The following KIF26A variants were observed in gnomAD, a reference collection of about 807,000 sequenced individuals.
KIF26A encodes the protein kinesin-like protein KIF26A.
Under a neutral mutation model 126.0 loss-of-function variants are expected in KIF26A, and 74 were observed. The ratio of observed to expected loss-of-function variants is 0.59; its 90% confidence interval spans 0.49 to 0.71. KIF26A has a LOEUF of 0.71. Ranked by LOEUF, KIF26A falls within the 30% of genes least tolerant of loss-of-function variation. The pLI is 0.00. For missense variants in KIF26A, 2,984 were observed against 2,763.3 expected, an observed-to-expected ratio of 1.08 and a Z score of -1.79; for synonymous variants, 1,445 against 1,232.7, an observed-to-expected ratio of 1.17 and a Z score of -3.61.
rs751047912 is a variant in KIF26A, at chr14:104,173,825, G to C, written c.1987G>C (p.Val663Leu). ...TCTGTCCCTGTCGGCCCTGGGCAGC[G>C]TCATCTTGGCCCTGGTCAACGGAGC... is the stretch of plus-strand genomic sequence containing the variant. ...LCLSLSALGS[V>L]ILALVNGAKH... The change falls in exon 10 of 15, where the codon GTC (valine) becomes CTC (leucine). Residue 663 changes from valine (V) to leucine (L), a missense_variant. Physicochemically the swap from Val to Leu is conservative, Grantham distance 32 (BLOSUM62 1). Coordinates refer to ENST00000423312, the MANE Select transcript of KIF26A (RefSeq NM_015656.2). 1 of 1,601,352 alleles carries C rather than the reference G, an allele frequency of 6.2e-7. No homozygotes were observed. Among genetic ancestry groups the C allele is most frequent in the Admixed American group, 1.7e-5 (1 of 59,910 alleles).
At position 104,148,372 on chromosome 14, in the gene KIF26A, T is replaced by C. The variant is rs1032941339; in HGVS notation, c.289-3643T>C. On this transcript the variant is annotated intron_variant, in intron 2 of 14. Coordinates refer to ENST00000423312, the MANE Select transcript of KIF26A (RefSeq NM_015656.2). The surrounding 1 kb of genome is among the most constrained non-coding windows in gnomAD (Gnocchi z 4.3). ...TGTAATTAGACCATAAAGAGAAAAT[T>C]AAAAGTCATATTTCGCAGTGGAGTA... is the stretch of plus-strand genomic sequence containing the variant. 6.6e-6 allele frequency among the ~76,000 whole-genome samples: 1 copy of C among 152,090 alleles called. No homozygotes were observed. The highest frequency in any genetic ancestry group is 1.5e-5 in the Non-Finnish European group (1 of 68,022).
rs2038038481 is a variant in KIF26A at position 104,177,048 on chromosome 14, G to A, written c.4260G>A (p.Lys1420=). 1 of 1,584,256 alleles carries A rather than the reference G, an allele frequency of 6.3e-7. No individual in the cohort carries two copies. Among genetic ancestry groups the A allele is most frequent in the African/African-American group, 1.3e-5 (1 of 74,688 alleles). ...HSVPRATSSL[K]ARASKVEAAH... ...TCCCCAGGGCCACGTCCAGCCTGAAGGCCCGGGCCAGCAAGGTAGAAGCAG... is the reference window on the plus strand; with the variant it reads ...TCCCCAGGGCCACGTCCAGCCTGAAAGCCCGGGCCAGCAAGGTAGAAGCAG... The change falls in exon 12 of 15, where the codon AAG becomes AAA. Residue 1420 remains lysine (K), a synonymous_variant. Coordinates refer to ENST00000423312, the MANE Select transcript of KIF26A (RefSeq NM_015656.2).
At chr14:104,142,018 C>T (rs2037642163) in intron 2 of KIF26A, among the ~76,000 whole-genome samples, 2 of 152,090 alleles carry the variant, frequency 1.3e-5, no homozygotes, top group Admixed American at 1.3e-4. Flanking sequence ...CTGTTGGAGC[C>T]CAGGTTCCCG....
intron 4 of KIF26A, among the ~76,000 whole-genome samples, chr14:104,165,131 GTC>G (rs1258741072): frequency 5.4e-5 from 8 of 146,856 alleles, no homozygotes; most frequent in South Asian, 4.3e-4. Context: ...GCATGTATAT[GTC>G]TCTGTGTGTT....
chr14:104,179,888 G>A lies in KIF26A; in HGVS notation c.*98G>A, dbSNP rs555052786. Reference sequence around the variant, plus strand: ...GGTGGGGGCTGCGGGGGGAGGATGCGGAGGGGTTTCTGTGCAGGACGGGAG... The same window carrying A: ...GGTGGGGGCTGCGGGGGGAGGATGCAGAGGGGTTTCTGTGCAGGACGGGAG... On this transcript the variant is annotated 3_prime_UTR_variant, in exon 15 of 15. Coordinates refer to ENST00000423312, the MANE Select transcript of KIF26A (RefSeq NM_015656.2). The A allele has an allele frequency of 8.8e-5, 111 of 1,264,224 alleles. No homozygotes were observed. Among genetic ancestry groups the A allele is most frequent in the Admixed American group, 6.2e-4 (23 of 36,880 alleles). The allele number at this position is 1,264,224 out of a possible 1,614,324, so 78.3% of individuals were successfully genotyped here.
chr14:104,171,583 C>G, intron 5 of KIF26A, 140 bp from the exon 6 acceptor site: 1 of 684,290 alleles, frequency 1.5e-6, no homozygotes, highest in East Asian at 2.7e-5. Flanking sequence ...AGCAGGGGCG[C>G]GGTGTCCACA....
At chr14:104,146,364 G>A (rs553686863) in intron 2 of KIF26A, among the ~76,000 whole-genome samples, 37 of 152,220 alleles carry the variant, frequency 2.4e-4, no homozygotes, top group African/African-American at 8.2e-4. Context: ...GGGAGGGGCT[G>A]TAGCTTGTGG....
Position 104,152,139 on chromosome 14 carries a change from A to T in KIF26A, c.413A>T (p.Glu138Val). The change falls in exon 3 of 15, where the codon GAG becomes GTG. Residue 138 changes from glutamate to valine, a missense_variant. By Grantham distance (121) the Glu-to-Val change is moderately radical. Coordinates refer to ENST00000423312, the MANE Select transcript of KIF26A (RefSeq NM_015656.2). This position sits in a 1 kb window ranked among gnomAD's most constrained non-coding sequence, Gnocchi z 5.9. The stretch of plus-strand genomic sequence containing the variant: ...ACACACCTGCAGCAGCTCACACGGG[A>T]GGCCATGCACCTGCTGCAGGCCCCT... ...CATHLQQLTR[E>V]AMHLLQAPAS... 6.2e-7 allele frequency: 1 copy of T among 1,611,456 alleles called. No homozygotes were observed. The highest frequency in any genetic ancestry group is 8.5e-7 in the Non-Finnish European group (1 of 1,179,540).
rs1336613837 is a variant in KIF26A, at chr14:104,174,281, A to G, written c.2164A>G (p.Ile722Val). ...CAGCACCGTGCAGCTCGCCGCCCGC[A>G]TCCACCGCCTGCGCAGGAAGAAGGC... ...TLSTVQLAAR[I>V]HRLRRKKAKY... The change falls in exon 11 of 15, where the codon ATC (isoleucine) becomes GTC (valine). Residue 722 changes from isoleucine (I) to valine (V), a missense_variant. Physicochemically the swap from Ile to Val is conservative, Grantham distance 29 (BLOSUM62 3). Coordinates refer to ENST00000423312, the MANE Select transcript of KIF26A (RefSeq NM_015656.2). 6.4e-7 allele frequency: 1 copy of G among 1,554,290 alleles called. No individual in the cohort carries two copies. Among genetic ancestry groups the G allele is most frequent in the Non-Finnish European group, 8.7e-7 (1 of 1,150,088 alleles).
intron 4 of KIF26A, among the ~76,000 whole-genome samples, chr14:104,164,518 C>T (rs1163292466): frequency 1.3e-5 from 2 of 152,058 alleles, no homozygotes; most frequent in Non-Finnish European, 2.9e-5. Flanking sequence ...GGTGTGGGGC[C>T]CTGCAGAGGT....
rs772059083 is a variant in KIF26A, at chr14:104,172,604, C to A, written c.1356C>A (p.Asp452Glu). 1.9e-6 allele frequency: 3 copies of A among 1,613,150 alleles called. No individual in the cohort carries two copies. Among genetic ancestry groups the A allele is most frequent in the Middle Eastern group, 1.6e-4 (1 of 6,062 alleles). The change falls in exon 7 of 15, where the codon GAC (aspartate) becomes GAA (glutamate). Residue 452 changes from aspartate (D) to glutamate (E), a missense_variant. Coordinates refer to ENST00000423312, the MANE Select transcript of KIF26A (RefSeq NM_015656.2). ...AAGTCTGCTCGGGGACCGTGGCCGACGTGCTCCAGTCGGTGGTCAGTGGGG... is the reference window on the plus strand; with the variant it reads ...AAGTCTGCTCGGGGACCGTGGCCGAAGTGCTCCAGTCGGTGGTCAGTGGGG... ...QAEVCSGTVA[D>E]VLQSVVSGAD...
intron 12 of KIF26A, 59 bp downstream of exon 12, chr14:104,177,957 A>G (rs2038053853): frequency 2.1e-6 from 3 of 1,402,354 alleles, no homozygotes; most frequent in African/African-American, 3.0e-5. Context: ...GTAGATGTGC[A>G]CAGCCCTCTA....
chr14:104,167,781 G>A (rs1385244925), intron 5 of KIF26A, among the ~76,000 whole-genome samples: 4 of 152,126 alleles, frequency 2.6e-5, no homozygotes, highest in Admixed American at 6.5e-5. Flanking sequence ...GTGTGCCCCC[G>A]GTGGCTTTTT....
Position 104,151,916 on chromosome 14 carries a change from A to C in KIF26A, c.289-99A>C. The stretch of plus-strand genomic sequence containing the variant: ...ACGGATGGTGCGGTGGCCAGGCGGG[A>C]GCTCGCAGCGTCATGGACGGTGAGA... On this transcript the variant is annotated intron_variant, in intron 2 of 14. Transcript: ENST00000423312. The surrounding 1 kb of genome is among the most constrained non-coding windows in gnomAD (Gnocchi z 4.9). 2.0e-6 allele frequency: 2 copies of C among 1,013,058 alleles called. No homozygotes were observed. The highest frequency in any genetic ancestry group is 2.7e-5 in the South Asian group (2 of 74,856). The allele number at this position is 1,013,058 out of a possible 1,614,324, so 62.8% of individuals were successfully genotyped here.
Position 104,151,356 on chromosome 14 carries a change from A to G in KIF26A, c.289-659A>G, listed in dbSNP as rs1309243627. Among the ~76,000 whole-genome samples the G allele has an allele frequency of 1.3e-5, 2 of 151,290 alleles. No individual in the cohort carries two copies. The highest frequency in any genetic ancestry group is 3.0e-5 in the Non-Finnish European group (2 of 67,788). ...CACCAAACAGGGTGCATCCCAGCGTACAGCTCAGACCTGGGTGGGGGAGCT... is the reference window on the plus strand; with the variant it reads ...CACCAAACAGGGTGCATCCCAGCGTGCAGCTCAGACCTGGGTGGGGGAGCT... On this transcript the variant is annotated intron_variant, in intron 2 of 14. Coordinates refer to ENST00000423312, the MANE Select transcript of KIF26A (RefSeq NM_015656.2). The surrounding 1 kb of genome is among the most constrained non-coding windows in gnomAD (Gnocchi z 4.9).
chr14:104,171,625 G>C (rs1242466018), intron 5 of KIF26A, 98 bp from the exon 6 acceptor site: 15 of 1,049,300 alleles, frequency 1.4e-5, no homozygotes, highest in Non-Finnish European at 2.1e-5. Context: ...TGTGAGGCCT[G>C]GCCCGCTGTC....
rs1359492944 is a variant in KIF26A, at chr14:104,151,721, G to A, written c.289-294G>A. Among the ~76,000 whole-genome samples, 1 of 152,212 alleles carries A rather than the reference G, an allele frequency of 6.6e-6. No homozygotes were observed. The highest frequency in any genetic ancestry group is 1.5e-5 in the Non-Finnish European group (1 of 68,042). On this transcript the variant is annotated intron_variant, in intron 2 of 14. Transcript: ENST00000423312. The surrounding 1 kb of genome is among the most constrained non-coding windows in gnomAD (Gnocchi z 4.9). ...AGGCGGCCTTAGCTGACAGTGGTCC[G>A]GTTGTCCGGGAGCCGCAAACCTGCC...
At position 104,176,050 on chromosome 14, in the gene KIF26A, T is replaced by C; in HGVS notation, c.3262T>C (p.Ser1088Pro). 1 of 1,596,080 alleles carries C rather than the reference T, an allele frequency of 6.3e-7. No individual in the cohort carries two copies. The highest frequency in any genetic ancestry group is 8.5e-7 in the Non-Finnish European group (1 of 1,175,176). Residue 1088 changes from serine to proline, a missense_variant, in exon 12 of 15, where the codon TCT becomes CCT. By Grantham distance (74) the Ser-to-Pro change is moderately conservative. Transcript: ENST00000423312. ...CAATGATGAGTTTGACGCCTACACC[T>C]CTCAGGCCCCTGAGGGGGGGCCCCT... ...SINDEFDAYT[S>P]QAPEGGPLEG... is the part of the protein sequence containing the mutation.
intron 2 of KIF26A, among the ~76,000 whole-genome samples, chr14:104,140,991 A>G (rs1596129963): frequency 6.6e-6 from 1 of 151,846 alleles, no homozygotes; most frequent in South Asian, 2.1e-4. Flanking sequence ...GGGAGAGAAG[A>G]CCCCATCCTC....
Sources: gnomAD v4.1 joint callset for allele counts (sites outside exome capture counted in the v4.1 genomes callset) on GRCh38, gnomAD v4.1.1 for gene constraint, Gnocchi (gnomAD v3.1) non-coding constraint, MANE v1.5 for transcripts, NCBI Gene and HGNC (gene_info 2026-07-23, HGNC 2026-07-21) for gene names.